Variants in MDFIC2 observed in about 807,000 individuals in gnomAD.
MDFIC2 encodes myoD family inhibitor domain-containing protein 2.
At chr3:70,226,982 G>A (rs1234279997) in intron 2 of MDFIC2, among the ~76,000 whole-genome samples, 1 of 152,062 alleles carries the variant, frequency 6.6e-6, no homozygotes, top group African/African-American at 2.4e-5. Flanking sequence ...TGGAGCAGTG[G>A]CTCTTGATTG....
At position 70,265,492 on chromosome 3, in the gene MDFIC2, C is replaced by G. The variant is rs374833254; in HGVS notation, c.88+46394G>C. 1.7e-4 allele frequency among the ~76,000 whole-genome samples: 24 copies of G among 144,140 alleles called. No individual in the cohort carries two copies. The South Asian group carries it at 6.0e-3, about 36-fold the overall frequency. 94.6% of individuals were successfully genotyped at this position (144,140 alleles called of 152,430 possible). On this transcript the variant is annotated intron_variant, in intron 2 of 3. Coordinates refer to ENST00000567252, the MANE Select transcript of MDFIC2 (RefSeq NM_001364677.1). ...CCCTGCTCCATGCTACCTCCATACT[C>G]CCTGCACACACACACTAACACACAA...
chr3:70,281,162 G>A (rs1395679466), intron 2 of MDFIC2, among the ~76,000 whole-genome samples: 1 of 152,014 alleles, frequency 6.6e-6, no homozygotes, highest in Non-Finnish European at 1.5e-5. Context: ...TTTTCTCTTG[G>A]CCCCTACAAT....
At chr3:70,212,319 A>G (rs1701359354) in intron 2 of MDFIC2, among the ~76,000 whole-genome samples, 1 of 152,108 alleles carries the variant, frequency 6.6e-6, no homozygotes, top group South Asian at 2.1e-4. Context: ...AAATCCTTTC[A>G]ATTATGATGC....
At chr3:70,248,809 G>C (rs975189415) in intron 2 of MDFIC2, among the ~76,000 whole-genome samples, 1 of 152,048 alleles carries the variant, frequency 6.6e-6, no homozygotes, top group African/African-American at 2.4e-5. Context: ...TATTGAGTAG[G>C]CTACCATGTG....
chr3:70,264,274 C>G (rs1701894304), intron 2 of MDFIC2, among the ~76,000 whole-genome samples: 1 of 152,310 alleles, frequency 6.6e-6, no homozygotes, highest in Non-Finnish European at 1.5e-5. Context: ...TATCTGCTGT[C>G]TCTCTAGTTA....
intron 2 of MDFIC2, among the ~76,000 whole-genome samples, chr3:70,250,023 T>A (rs1396075529): frequency 6.6e-6 from 1 of 152,182 alleles, no homozygotes; most frequent in South Asian, 2.1e-4. Flanking sequence ...AAGTTCTGGC[T>A]TCGAGTTGTT....
chr3:70,289,790 C>G (rs938666422), intron 2 of MDFIC2, among the ~76,000 whole-genome samples: 1 of 152,112 alleles, frequency 6.6e-6, no homozygotes, highest in Non-Finnish European at 1.5e-5. Flanking sequence ...AACTTTCCTT[C>G]TCGCTTCATT....
chr3:70,306,140 C>G (rs959938818), intron 2 of MDFIC2, among the ~76,000 whole-genome samples: 3 of 152,090 alleles, frequency 2.0e-5, no homozygotes, highest in African/African-American at 4.8e-5. Context: ...GTCTTGCTCT[C>G]TTACTCAGGC....
At chr3:70,302,438 A>T (rs750826515) in intron 2 of MDFIC2, among the ~76,000 whole-genome samples, 1 of 151,818 alleles carries the variant, frequency 6.6e-6, no homozygotes, top group Non-Finnish European at 1.5e-5. Context: ...GGCATAAAAC[A>T]TAAGAGACTT....
chr3:70,262,648 C>T (rs1023463145), intron 2 of MDFIC2, among the ~76,000 whole-genome samples: 5 of 152,162 alleles, frequency 3.3e-5, no homozygotes, highest in Non-Finnish European at 5.9e-5. Flanking sequence ...CATTGACTCT[C>T]AAATTTTACA....
chr3:70,243,208 T>C (rs369236121), intron 2 of MDFIC2, among the ~76,000 whole-genome samples: 11 of 152,088 alleles, frequency 7.2e-5, no homozygotes, highest in Non-Finnish European at 2.9e-5. Context: ...CTGTTGAGGA[T>C]TGGGGGCTGT....
chr3:70,216,295 T>C (rs995541470), intron 2 of MDFIC2, among the ~76,000 whole-genome samples: 1 of 150,328 alleles, frequency 6.7e-6, no homozygotes, highest in African/African-American at 2.4e-5. Context: ...AGATATCTGA[T>C]TAATACTACA....
chr3:70,299,966 A>T (rs1369222037), intron 2 of MDFIC2, among the ~76,000 whole-genome samples: 1 of 152,092 alleles, frequency 6.6e-6, no homozygotes, highest in African/African-American at 2.4e-5. Flanking sequence ...CGTTCTCTGA[A>T]AAGAACATAC....
At chr3:70,242,771 T>A (rs1317817517) in intron 2 of MDFIC2, among the ~76,000 whole-genome samples, 1 of 152,162 alleles carries the variant, frequency 6.6e-6, no homozygotes, top group Non-Finnish European at 1.5e-5. Context: ...TGGAATCTTA[T>A]TGTGTCAGAG....
intron 2 of MDFIC2, among the ~76,000 whole-genome samples, chr3:70,208,486 A>G (rs1302905747): frequency 1.3e-5 from 2 of 152,084 alleles, no homozygotes; most frequent in African/African-American, 4.8e-5. Context: ...AATCACCTGG[A>G]AAATCTTTTT....
chr3:70,293,614 C>T (rs1702261079), intron 2 of MDFIC2, among the ~76,000 whole-genome samples: 1 of 152,054 alleles, frequency 6.6e-6, no homozygotes, highest in Admixed American at 6.6e-5. Flanking sequence ...ATGGTGTTAG[C>T]TTGGTTTTTG....
chr3:70,256,543 T>C (rs1050581344), intron 2 of MDFIC2, among the ~76,000 whole-genome samples: 1 of 152,174 alleles, frequency 6.6e-6, no homozygotes, highest in Admixed American at 6.5e-5. Context: ...CTAGTGACTT[T>C]AAAGAAATTA....
At chr3:70,250,000 A>G (rs1486887097) in intron 2 of MDFIC2, among the ~76,000 whole-genome samples, 3 of 152,222 alleles carry the variant, frequency 2.0e-5, no homozygotes, top group Non-Finnish European at 2.9e-5. Context: ...ATTTTGGTGT[A>G]AAATCTAGAG....
At chr3:70,223,761 T>A (rs1701479824) in intron 2 of MDFIC2, among the ~76,000 whole-genome samples, 1 of 152,172 alleles carries the variant, frequency 6.6e-6, no homozygotes, top group South Asian at 2.1e-4. Flanking sequence ...TGCAATCAAT[T>A]TAATTCACAT....
Sources: allele counts gnomAD v4.1 joint callset (sites outside exome capture counted in the v4.1 genomes callset), GRCh38; gene constraint gnomAD v4.1.1; transcripts MANE v1.5; gene names NCBI Gene and HGNC (gene_info 2026-07-23, HGNC 2026-07-21).